Variants in B4GALT6 observed in about 807,000 individuals in gnomAD.
The protein encoded by B4GALT6 is beta-1,4-galactosyltransferase 6, also known as UDP-Gal:beta-GlcNAc beta-1,4-galactosyltransferase 6.
In B4GALT6, 14 loss-of-function variants were observed where a neutral mutation model predicts 46.3. That is an observed-to-expected ratio of 0.30 (90% CI 0.20 to 0.47). The LOEUF (loss-of-function observed/expected upper bound fraction) is 0.47. Ranked by LOEUF, B4GALT6 falls within the 20% of genes least tolerant of loss-of-function variation. The pLI, the probability that B4GALT6 is intolerant of heterozygous loss-of-function variation, is 0.99. For missense variants in B4GALT6, 386 were observed against 480.1 expected (o/e 0.80, Z 1.83); for synonymous variants, 168 against 162.0 (o/e 1.04, Z -0.28).
intron 1 of B4GALT6, among the ~76,000 whole-genome samples, chr18:31,683,105 T>C (rs149348212): frequency 6.6e-6 from 1 of 152,382 alleles, no homozygotes; most frequent in Non-Finnish European, 1.5e-5. Flanking sequence ...CATCTGAGTT[T>C]ATACACCTCA....
At chr18:31,692,382 G>A in the B4GALT6 span, among the ~76,000 whole-genome samples, 5 of 152,170 alleles carry the variant, frequency 3.3e-5, no homozygotes, top group Non-Finnish European at 5.9e-5. Flanking sequence ...TAGTCAACCC[G>A]ATTTTACTGT....
the B4GALT6 span, among the ~76,000 whole-genome samples, chr18:31,709,553 ATGTGTGTGTGTGTGTG>A: frequency 5.1e-3 from 648 of 126,818 alleles, 8 homozygotes; most frequent in African/African-American, 0.016. Flanking sequence ...TAGGATATAT[ATGTGTGTGTGTGTGTG>A]TGTGTGTGTG....
intron 1 of B4GALT6, among the ~76,000 whole-genome samples, chr18:31,669,791 T>C (rs1598920716): frequency 1.3e-5 from 2 of 152,342 alleles, no homozygotes; most frequent in East Asian, 3.9e-4. Flanking sequence ...TTGCAGCACC[T>C]TGGATTATTT....
chr18:31,649,637 G>T (rs2074039254), intron 3 of B4GALT6, among the ~76,000 whole-genome samples: 1 of 143,514 alleles, frequency 7.0e-6, no homozygotes, highest in South Asian at 2.2e-4. Context: ...CATTCAAGTA[G>T]CCAACAAACA....
intron 3 of B4GALT6, among the ~76,000 whole-genome samples, chr18:31,650,413 A>C (rs1210960569): frequency 6.6e-6 from 1 of 152,172 alleles, no homozygotes; most frequent in African/African-American, 2.4e-5. Flanking sequence ...AAACCCCTCT[A>C]ACAGGTAGGA....
At chr18:31,680,996 T>A (rs1466697335) in intron 1 of B4GALT6, among the ~76,000 whole-genome samples, 1 of 152,178 alleles carries the variant, frequency 6.6e-6, no homozygotes, top group Non-Finnish European at 1.5e-5. Flanking sequence ...CTGGAAATCC[T>A]TAACCAGCCC....
intron 2 of B4GALT6, among the ~76,000 whole-genome samples, chr18:31,660,971 A>T (rs77477524): frequency 0.025 from 3,747 of 152,310 alleles, 57 homozygotes; most frequent in Non-Finnish European, 0.039. Context: ...GGAAGAGAGA[A>T]GACAATGGCA....
chr18:31,649,811 A>C (rs2144604877), intron 3 of B4GALT6, among the ~76,000 whole-genome samples: 1 of 152,322 alleles, frequency 6.6e-6, no homozygotes, highest in African/African-American at 2.4e-5. Context: ...TGTTGGTGAG[A>C]ATGTAAGTTA....
the B4GALT6 span, among the ~76,000 whole-genome samples, chr18:31,712,036 A>C: frequency 1.3e-5 from 2 of 152,062 alleles, no homozygotes; most frequent in Non-Finnish European, 2.9e-5. Flanking sequence ...CACACACTCA[A>C]ATGTTTGTTT....
intron 4 of B4GALT6, among the ~76,000 whole-genome samples, chr18:31,641,938 T>C (rs2073935196): frequency 6.6e-6 from 1 of 152,218 alleles, no homozygotes; most frequent in African/African-American, 2.4e-5. Flanking sequence ...ACACTGTCCC[T>C]AAATGACATG....
At chr18:31,705,144 T>C in the B4GALT6 span, among the ~76,000 whole-genome samples, 1 of 152,242 alleles carries the variant, frequency 6.6e-6, no homozygotes, top group Admixed American at 6.5e-5. Flanking sequence ...CATGTCTTTT[T>C]ACTGCCATAT....
chr18:31,684,253 A>T, intron 1 of B4GALT6, 59 bp downstream of exon 1: 4 of 1,606,802 alleles, frequency 2.5e-6, no homozygotes, highest in Non-Finnish European at 3.4e-6. Context: ...AACATCGGAT[A>T]ACAGCCTGCG....
the B4GALT6 span, among the ~76,000 whole-genome samples, chr18:31,720,378 G>T: frequency 1.3e-5 from 2 of 152,258 alleles, no homozygotes; most frequent in South Asian, 4.1e-4. Flanking sequence ...ATTACCAGCA[G>T]GCTCCCTGAG....
At chr18:31,648,638 A>AG (rs1392526189) in intron 3 of B4GALT6, among the ~76,000 whole-genome samples, 1 of 152,278 alleles carries the variant, frequency 6.6e-6, no homozygotes, top group East Asian at 1.9e-4. Flanking sequence ...TGGGAAAGCC[A>AG]GGCATGCATG....
At chr18:31,677,650 T>C (rs2074429059) in intron 1 of B4GALT6, among the ~76,000 whole-genome samples, 1 of 152,226 alleles carries the variant, frequency 6.6e-6, no homozygotes, top group Admixed American at 6.5e-5. Context: ...TTTATTATCC[T>C]GACAAAAGGC....
At chr18:31,652,664 T>C (rs2074086481) in intron 3 of B4GALT6, among the ~76,000 whole-genome samples, 1 of 152,196 alleles carries the variant, frequency 6.6e-6, no homozygotes, top group Non-Finnish European at 1.5e-5. Context: ...AATGCGACGG[T>C]TACTCTGTAT....
intron 1 of B4GALT6, among the ~76,000 whole-genome samples, chr18:31,668,903 C>T (rs959372177): frequency 2.6e-5 from 4 of 150,990 alleles, no homozygotes; most frequent in East Asian, 2.0e-4. Flanking sequence ...CCCAGCTACT[C>T]GGGAGGCTGA....
chr18:31,652,956 C>T (rs2144622709), intron 3 of B4GALT6, among the ~76,000 whole-genome samples: 1 of 152,230 alleles, frequency 6.6e-6, no homozygotes, highest in Middle Eastern at 3.4e-3. Context: ...CCATCATTCA[C>T]CTGCCTAAAG....
the B4GALT6 span, among the ~76,000 whole-genome samples, chr18:31,698,083 G>T: frequency 6.6e-6 from 1 of 152,012 alleles, no homozygotes; most frequent in Non-Finnish European, 1.5e-5. Flanking sequence ...ATTCTATTTG[G>T]CATATGTTGG....
Sources: gnomAD v4.1 joint callset for allele counts (sites outside exome capture counted in the v4.1 genomes callset) on GRCh38, gnomAD v4.1.1 for gene constraint, MANE v1.5 for transcripts, NCBI Gene and HGNC (gene_info 2026-07-23, HGNC 2026-07-21) for gene names.